LRBA: variants seen among roughly 807,000 people sequenced by gnomAD.
LRBA encodes the protein lipopolysaccharide-responsive and beige-like anchor protein.
In LRBA, 176 loss-of-function variants were observed where a neutral mutation model predicts 330.0. The ratio of observed to expected loss-of-function variants is 0.53; its 90% confidence interval spans 0.47 to 0.60. LRBA has a LOEUF of 0.60. Ranked by LOEUF, LRBA falls within the 20% of genes least tolerant of loss-of-function variation. The pLI is 0.00. For missense variants in LRBA, 3,259 were observed against 3,444.8 expected, an observed-to-expected ratio of 0.95 and a Z score of 1.35; for synonymous variants, 1,230 against 1,193.0, an observed-to-expected ratio of 1.03 and a Z score of -0.64.
chr4:150,752,830 C>T (rs1733737617), intron 35 of LRBA, among the ~76,000 whole-genome samples: 1 of 152,040 alleles, frequency 6.6e-6, no homozygotes, highest in African/African-American at 2.4e-5. Flanking sequence ...AGGCTGCAAG[C>T]TTTTATCTGA....
chr4:150,658,288 C>T (rs1414866447), intron 37 of LRBA, among the ~76,000 whole-genome samples: 3 of 150,640 alleles, frequency 2.0e-5, no homozygotes, highest in Admixed American at 6.6e-5. Flanking sequence ...ATACATAAAT[C>T]GTTTCTATCT....
chr4:150,386,733 C>A (rs1396919532), intron 47 of LRBA, among the ~76,000 whole-genome samples: 1 of 152,104 alleles, frequency 6.6e-6, no homozygotes, highest in Non-Finnish European at 1.5e-5. Flanking sequence ...AACATCCATG[C>A]AGACGTATAT....
At chr4:150,837,327 T>C (rs1748270990) in intron 28 of LRBA, among the ~76,000 whole-genome samples, 1 of 152,204 alleles carries the variant, frequency 6.6e-6, no homozygotes, top group Admixed American at 6.5e-5. Context: ...GGTGCAGAGC[T>C]GAGTTCAATT....
intron 2 of LRBA, among the ~76,000 whole-genome samples, chr4:150,996,859 C>T (rs1362997948): frequency 6.6e-6 from 1 of 152,084 alleles, no homozygotes; most frequent in Non-Finnish European, 1.5e-5. Context: ...CACTCCAATC[C>T]TGTTTTCATG....
intron 36 of LRBA, among the ~76,000 whole-genome samples, chr4:150,698,060 T>A (rs1784796063): frequency 6.6e-6 from 1 of 152,174 alleles, no homozygotes; most frequent in Non-Finnish European, 1.5e-5. Flanking sequence ...GTAAAATACT[T>A]GCTTTGCAAA....
chr4:150,287,984 T>C (rs1748344398), intron 53 of LRBA, among the ~76,000 whole-genome samples: 1 of 149,546 alleles, frequency 6.7e-6, no homozygotes, highest in Admixed American at 6.7e-5. Flanking sequence ...TCTGTTAGGA[T>C]CCACAAATTT....
chr4:150,508,975 T>C (rs1253324203), intron 40 of LRBA, among the ~76,000 whole-genome samples: 2 of 152,216 alleles, frequency 1.3e-5, no homozygotes, highest in Admixed American at 1.3e-4. Context: ...AGATAAAGTA[T>C]ATTCTCTGAC....
chr4:150,488,780 C>T (rs77532739), intron 41 of LRBA, among the ~76,000 whole-genome samples: 3,365 of 149,132 alleles, frequency 0.023, 58 homozygotes, highest in Non-Finnish European at 0.031. Context: ...TACCAATGTT[C>T]CTATAGTTTT....
At chr4:150,867,975 A>G (rs1306585038) in intron 21 of LRBA, 112 bp from the exon 22 acceptor site, 25 of 985,090 alleles carry the variant, frequency 2.5e-5, no homozygotes, top group Non-Finnish European at 3.7e-5. Flanking sequence ...CGAAAAAGAA[A>G]CACATTTAGT....
At chr4:150,410,273 T>C (rs1746787342) in intron 47 of LRBA, among the ~76,000 whole-genome samples, 2 of 152,146 alleles carry the variant, frequency 1.3e-5, no homozygotes, top group African/African-American at 4.8e-5. Flanking sequence ...GTAAGATCTA[T>C]AAAGGTTTAT....
chr4:150,470,773 T>C (rs1756005634), intron 43 of LRBA, among the ~76,000 whole-genome samples: 1 of 152,038 alleles, frequency 6.6e-6, no homozygotes, highest in Non-Finnish European at 1.5e-5. Flanking sequence ...TGGTGCCTTG[T>C]GAATTCTTAT....
At chr4:150,688,455 G>T (rs111318581) in intron 36 of LRBA, among the ~76,000 whole-genome samples, 60 of 152,160 alleles carry the variant, frequency 3.9e-4, no homozygotes, top group African/African-American at 1.4e-3. Flanking sequence ...TTGACAAATG[G>T]GATCTAATTA....
At chr4:150,506,965 C>T (rs1475325368) in intron 40 of LRBA, among the ~76,000 whole-genome samples, 5 of 151,754 alleles carry the variant, frequency 3.3e-5, no homozygotes. Context: ...CATGAGTGAA[C>T]TCCCATTCAC....
At chr4:150,769,047 C>T (rs1736182840) in intron 34 of LRBA, among the ~76,000 whole-genome samples, 1 of 149,732 alleles carries the variant, frequency 6.7e-6, no homozygotes, top group African/African-American at 2.5e-5. Context: ...AGCAACTCTC[C>T]TGCGTCAGCT....
chr4:150,920,023 T>C (rs1052370850), intron 5 of LRBA, among the ~76,000 whole-genome samples: 6 of 151,594 alleles, frequency 4.0e-5, no homozygotes, highest in Non-Finnish European at 8.8e-5. Flanking sequence ...TAAAATCGAC[T>C]GTAAGGAAAA....
chr4:150,916,515 G>T lies in LRBA; in HGVS notation c.780C>A (p.Ser260Arg). ...AATGAGCAGAATAGCCAAGACCTTT[G>T]CTGGTTCTGAAACTATAAAGAATAG... ...DKPYLYCFRT[S>R]KGLGYSAHFV... Residue 260 changes from serine to arginine, a missense_variant, in exon 7 of 57, where the codon AGC (serine) becomes AGA (arginine). Coordinates refer to ENST00000651943, the MANE Select transcript of LRBA (RefSeq NM_001364905.1). 1 of 1,613,072 alleles carries T rather than the reference G, an allele frequency of 6.2e-7. No individual in the cohort carries two copies. Among genetic ancestry groups the T allele is most frequent in the Non-Finnish European group, 8.5e-7 (1 of 1,179,708 alleles).
intron 46 of LRBA, among the ~76,000 whole-genome samples, chr4:150,433,944 A>C (rs1016154837): frequency 6.6e-6 from 1 of 152,150 alleles, no homozygotes; most frequent in African/African-American, 2.4e-5. Context: ...TCTTTAATAA[A>C]GTATCTTTCA....
chr4:150,320,027 A>C (rs1732267104), intron 50 of LRBA, among the ~76,000 whole-genome samples: 1 of 152,178 alleles, frequency 6.6e-6, no homozygotes, highest in Admixed American at 6.5e-5. Context: ...AAAAAAGTCT[A>C]TAATCTCCAG....
intron 13 of LRBA, among the ~76,000 whole-genome samples, chr4:150,902,344 C>T (rs1730833618): frequency 6.6e-6 from 1 of 151,934 alleles, no homozygotes; most frequent in South Asian, 2.1e-4. Flanking sequence ...CTTGACTGCA[C>T]ATTAAAATAA....
Sources: allele counts gnomAD v4.1 joint callset (sites outside exome capture counted in the v4.1 genomes callset), GRCh38; gene constraint gnomAD v4.1.1; transcripts MANE v1.5; gene names NCBI Gene and HGNC (gene_info 2026-07-23, HGNC 2026-07-21).